The following NBPF20 variants were observed in gnomAD, a reference collection of about 807,000 sequenced individuals.
NBPF20 encodes NBPF family member NBPF20.
NBPF20 carries 90 observed loss-of-function variants against 68.1 expected under a neutral mutation model. The observed-to-expected ratio is 1.32, with a 90% CI of 1.11 to 1.58. The LOEUF (loss-of-function observed/expected upper bound fraction) is 1.58, where lower values mean the gene tolerates loss of function less well. NBPF20 is among the 40% of genes most tolerant of loss of function. The pLI is 0.00. For missense variants in NBPF20, 816 were observed against 601.2 expected (o/e 1.36, Z -3.74); for synonymous variants, 290 against 228.1 (o/e 1.27, Z -2.45).
At chr1:145,309,445 G>T (rs1224034827) in intron 115 of NBPF20, among the ~76,000 whole-genome samples, 197 bp from the exon 121 acceptor site, 4 of 44,396 alleles carry the variant, frequency 9.0e-5, no homozygotes, top group African/African-American at 4.2e-4. Context: ...AAGACAGATA[G>T]ACACACACAC....
At chr1:145,392,995 A>C in intron 10 of NBPF20, 79 bp downstream of exon 15, 3 of 357,120 alleles carry the variant, frequency 8.4e-6, no homozygotes, top group Non-Finnish European at 1.4e-5. Flanking sequence ...TCAGCTCAGT[A>C]AGGGCCACTT....
At chr1:145,407,850 G>A (rs1058124), upstream of NBPF20, 55 of 160,312 alleles carry the variant, frequency 3.4e-4, no homozygotes, top group East Asian at 6.9e-3. Flanking sequence ...CATCTGGGCC[G>A]CCGTCCCAGG....
At chr1:145,403,594 G>A (rs878947078) in intron 2 of NBPF20, among the ~76,000 whole-genome samples, 62 of 149,970 alleles carry the variant, frequency 4.1e-4, no homozygotes, top group South Asian at 8.6e-4. Context: ...TTCACAGTCC[G>A]TGAGGTCTGA....
At chr1:145,406,006 C>T (rs1662762152), upstream of NBPF20, among the ~76,000 whole-genome samples, 1 of 150,756 alleles carries the variant, frequency 6.6e-6, no homozygotes, top group Admixed American at 6.6e-5. Flanking sequence ...GCAAGCTCTG[C>T]CTCCCAGGTT....
the NBPF20 span, among the ~76,000 whole-genome samples, chr1:145,417,750 A>G: frequency 6.8e-6 from 1 of 147,846 alleles, no homozygotes; most frequent in South Asian, 2.2e-4. Context: ...TAAAACAACG[A>G]GATATCACTG....
chr1:145,290,945 C>T, exon 138 of NBPF20: 1 of 100,190 alleles, frequency 1.0e-5, no homozygotes, highest in Admixed American at 8.4e-5. Flanking sequence ...TGTGGTCTTC[C>T]TAAGTACTGA....
At chr1:145,372,392 C>A (rs1422654917) in intron 36 of NBPF20, 120 bp downstream of exon 41, 1 of 208,726 alleles carries the variant, frequency 4.8e-6, no homozygotes, top group Non-Finnish European at 8.4e-6. Flanking sequence ...TATATGCGCC[C>A]ATAGGTCCTG....
chr1:145,397,873 T>A (rs1662335008), intron 7 of NBPF20, among the ~76,000 whole-genome samples: 2 of 151,868 alleles, frequency 1.3e-5, no homozygotes. Context: ...AGGCTCAAAC[T>A]AAAGGGATGG....
rs1448033999 is a variant in NBPF20 at position 145,393,956 on chromosome 1, G to A, written c.992-21C>T. On this transcript the variant is annotated intron_variant, in intron 8 of 137. Coordinates refer to ENST00000369373, the Ensembl canonical transcript of NBPF20. Reference sequence around the variant, plus strand: ...ATGTCCTGCAAATAAATTCAGATGGGCCCTCTTACATTAAGCAGTTCTTCC... The same window carrying A: ...ATGTCCTGCAAATAAATTCAGATGGACCCTCTTACATTAAGCAGTTCTTCC... 14 of 1,253,386 alleles carry A rather than the reference G, an allele frequency of 1.1e-5. 1 individual carries two copies. The African/African-American group carries it at 1.2e-4, about 11-fold the overall frequency. The allele number at this position is 1,253,386 out of a possible 1,614,324, so 77.6% of individuals were successfully genotyped here.
exon 138 of NBPF20, chr1:145,291,074 G>A (rs1661038596): frequency 3.9e-6 from 1 of 254,356 alleles, no homozygotes; most frequent in South Asian, 5.2e-5. Flanking sequence ...TCCCTCCTGT[G>A]TTACAGATGG....
In NBPF20 at chr1:145,400,858, G is replaced by A. The variant is rs1233476403; in HGVS notation, c.566+201C>T. Among the ~76,000 whole-genome samples, 9 of 151,950 alleles carry A rather than the reference G, an allele frequency of 5.9e-5. No homozygotes were observed. The East Asian group carries it at 1.7e-3, about 29-fold the overall frequency. On this transcript the variant is annotated intron_variant, in intron 5 of 137. Coordinates refer to ENST00000369373, the Ensembl canonical transcript of NBPF20. ...GGAGGATGAAGACTCAGCTATCCCT[G>A]TACGGTGCAGACGTGACACTCGGCA... is the stretch of plus-strand genomic sequence containing the variant.
intron 43 of NBPF20, among the ~76,000 whole-genome samples, chr1:145,366,605 CACAG>C (rs1372515187): frequency 1.1e-5 from 1 of 88,802 alleles, no homozygotes. Context: ...CACACACACA[CACAG>C]AGAGAACGAG....
exon 138 of NBPF20, chr1:145,290,220 G>A (rs1660979156): frequency 6.7e-6 from 1 of 148,440 alleles, no homozygotes; most frequent in Non-Finnish European, 1.5e-5. Context: ...TTTAGAGGAT[G>A]ATCATTAGAA....
chr1:145,292,744 C>G (rs1243399713), intron 136 of NBPF20, among the ~76,000 whole-genome samples: 2 of 131,904 alleles, frequency 1.5e-5, no homozygotes, highest in South Asian at 2.4e-4. Flanking sequence ...TTTGTGCAAA[C>G]AGTTATGCCA....
intron 115 of NBPF20, among the ~76,000 whole-genome samples, 197 bp from the exon 121 acceptor site, chr1:145,309,445 G>GACAC (rs1302412073): frequency 2.0e-4 from 9 of 44,396 alleles, no homozygotes; most frequent in East Asian, 3.6e-4. Flanking sequence ...AAGACAGATA[G>GACAC]ACACACACAC....
At chr1:145,414,634 C>CA in the NBPF20 span, among the ~76,000 whole-genome samples, 1 of 92,738 alleles carries the variant, frequency 1.1e-5, no homozygotes. Flanking sequence ...AAAACTAGTA[C>CA]AGGTGCCTGT....
At chr1:145,311,958 T>C (rs1661496529) in intron 112 of NBPF20, among the ~76,000 whole-genome samples, 1 of 97,536 alleles carries the variant, frequency 1.0e-5, no homozygotes, top group East Asian at 2.8e-4. Flanking sequence ...TCTGCCCAGG[T>C]CCAACGTCAT....
At chr1:145,407,551 C>T (rs1460422064), upstream of NBPF20, among the ~76,000 whole-genome samples, 8 of 145,996 alleles carry the variant, frequency 5.5e-5, no homozygotes, top group Non-Finnish European at 1.0e-4. Context: ...CGTGTATATA[C>T]ATAATATACT....
chr1:145,291,652 T>A (rs74964242), exon 138 of NBPF20: 1 of 1,611,924 alleles, frequency 6.2e-7, no homozygotes, highest in Non-Finnish European at 8.5e-7. Context: ...AAAACACACT[T>A]CTGTAGTGCT....
Sources: allele counts gnomAD v4.1 joint callset (sites outside exome capture counted in the v4.1 genomes callset), GRCh38; gene constraint gnomAD v4.1.1; transcripts MANE v1.5; gene names NCBI Gene and HGNC (gene_info 2026-07-23, HGNC 2026-07-21).